The following MED24 variants were observed in gnomAD, a reference collection of about 807,000 sequenced individuals.
MED24 encodes the protein mediator complex subunit 24, also known as mediator of RNA polymerase II transcription subunit 24.
In MED24, 74 loss-of-function variants were observed where a neutral mutation model predicts 118.8. The observed-to-expected ratio is 0.62, with a 90% CI of 0.52 to 0.76. MED24 has a LOEUF of 0.76. MED24 is among the 30% of genes least tolerant of loss of function. The probability of loss-of-function intolerance (pLI) is 0.00; values close to 1 mark genes in which losing one functional copy is unlikely to be tolerated. For missense variants in MED24, 1,041 were observed against 1,278.9 expected (o/e 0.81, Z 2.84); for synonymous variants, 521 against 523.9 (o/e 0.99, Z 0.08).
intron 22 of MED24, 106 bp from the exon 23 acceptor site, chr17:40,022,160 A>T: frequency 1.0e-6 from 1 of 986,944 alleles, no homozygotes; most frequent in Non-Finnish European, 1.5e-6. Flanking sequence ...CATGGCTAGC[A>T]GGGCCTCAGC....
intron 16 of MED24, 110 bp downstream of exon 16, chr17:40,027,273 C>T: frequency 7.6e-7 from 1 of 1,318,084 alleles, no homozygotes; most frequent in South Asian, 1.4e-5. Flanking sequence ...TTTCTGAGGC[C>T]CACAGAACTA....
intron 14 of MED24, 173 bp from the exon 15 acceptor site, chr17:40,028,119 T>G (rs757308622): frequency 2.6e-4 from 166 of 646,792 alleles, no homozygotes; most frequent in Non-Finnish European, 3.9e-4. Flanking sequence ...TTTTTGTTTT[T>G]TTTTTGTTTT....
chr17:40,021,954 C>A lies in MED24; in HGVS notation c.2623+1G>T. 1.3e-6 allele frequency: 2 copies of A among 1,593,668 alleles called. No homozygotes were observed. Among genetic ancestry groups the A allele is most frequent in the Non-Finnish European group, 1.7e-6 (2 of 1,168,868 alleles). ...GGCGCGCGGCCAGCCCACACACTCA[C>A]TGGGGCTCGAAAGGATGTTGGCATC... On this transcript the variant is annotated splice_donor_variant, in intron 23 of 25. Coordinates refer to ENST00000394128, the MANE Select transcript of MED24 (RefSeq NM_014815.4). LOFTEE classifies it high-confidence loss of function.
chr17:40,043,469 C>T (rs924697021), intron 3 of MED24, among the ~76,000 whole-genome samples: 1 of 152,088 alleles, frequency 6.6e-6, no homozygotes, highest in African/African-American at 2.4e-5. Context: ...GGGTGGTGGG[C>T]TGGACAGGAG....
chr17:40,046,245 C>T (rs890658014), intron 3 of MED24, among the ~76,000 whole-genome samples: 1 of 147,918 alleles, frequency 6.8e-6, no homozygotes, highest in Non-Finnish European at 1.5e-5. Context: ...CCACCACGCC[C>T]GGCTAATTTT....
At chr17:40,020,209 C>T in intron 24 of MED24, 64 bp downstream of exon 24, 1 of 1,414,226 alleles carries the variant, frequency 7.1e-7, no homozygotes, top group Non-Finnish European at 9.5e-7. Context: ...GTCTCCCAGC[C>T]TCCATGAGAA....
rs200529218 is a variant in MED24, at chr17:40,023,104, G to A, written c.2250+27C>T. On this transcript the variant is annotated intron_variant, in intron 20 of 25. Coordinates refer to ENST00000394128, the MANE Select transcript of MED24 (RefSeq NM_014815.4). The stretch of plus-strand genomic sequence containing the variant: ...GGAGCCAGGGGACAGGACCCATGTC[G>A]GCCCACAGCCACTCCAGCCCAAGTA... The A allele has an allele frequency of 6.3e-5, 101 of 1,598,522 alleles. 1 individual carries two copies. The Middle Eastern group carries it at 8.3e-4, about 13-fold the overall frequency.
Position 40,033,291 on chromosome 17 carries a change from C to T in MED24, c.671+54G>A. 6.2e-7 allele frequency: 1 copy of T among 1,611,774 alleles called. No homozygotes were observed. The highest frequency in any genetic ancestry group is 1.6e-4 in the Middle Eastern group (1 of 6,062). On this transcript the variant is annotated intron_variant, in intron 7 of 25. Transcript: ENST00000394128. The surrounding 1 kb of genome is among the most constrained non-coding windows in gnomAD (Gnocchi z 5.2). ...ATGGCACGGGTGCCACATCTTCCTA[C>T]CCCAGGGCGTGTCCTCCCTCTCCCT...
At chr17:40,022,310 T>C in intron 22 of MED24, 84 bp downstream of exon 22, 1 of 1,407,150 alleles carries the variant, frequency 7.1e-7, no homozygotes, top group Non-Finnish European at 9.8e-7. Flanking sequence ...CCACAACTGC[T>C]TCCCTTTGCC....
rs79573177 is a variant in MED24 at position 40,027,219 on chromosome 17, G to T, written c.1530+164C>A. 1,185 of 1,076,858 alleles carry T rather than the reference G, an allele frequency of 1.1e-3. 12 individuals carry two copies. The African/African-American group carries it at 0.018, about 16-fold the overall frequency. 66.7% of individuals were successfully genotyped at this position (1,076,858 alleles called of 1,614,324 possible). On this transcript the variant is annotated intron_variant, in intron 16 of 25. Coordinates refer to ENST00000394128, the MANE Select transcript of MED24 (RefSeq NM_014815.4). ...CACCTAGTGGTCAATGTGAACATAG[G>T]GCTGAAGGTGCCTCTACGGACTCCA...
intron 3 of MED24, among the ~76,000 whole-genome samples, chr17:40,045,138 A>C (rs1411329279): frequency 2.6e-5 from 4 of 152,062 alleles, no homozygotes; most frequent in Non-Finnish European, 4.4e-5. Context: ...AAAATTACAA[A>C]CAACCTAAAT....
At chr17:40,028,698 A>C (rs1429176440) in intron 14 of MED24, 128 bp downstream of exon 14, 3 of 1,308,262 alleles carry the variant, frequency 2.3e-6, no homozygotes, top group Non-Finnish European at 3.2e-6. Flanking sequence ...TCCAGCCAGG[A>C]TGCTCTGCCT....
At chr17:40,027,699 G>C (rs776187517) in intron 15 of MED24, 24 of 675,896 alleles carry the variant, frequency 3.6e-5, no homozygotes, top group African/African-American at 1.1e-4. Flanking sequence ...AAGGGATGAG[G>C]GGGGGAAGGA....
rs111644119 is a variant in MED24 at position 40,022,821 on chromosome 17, C to T, written c.2256G>A (p.Leu752=). The T allele has an allele frequency of 5.2e-4, 832 of 1,613,150 alleles. 3 individuals are homozygous for T. In the African/African-American group the frequency reaches 9.9e-3, roughly 19 times the overall value. ...YWFCNNLIKE[L]LKETRKEHTL... is the part of the protein sequence containing the mutation. ...TGTGCTCCTTCCGCGTCTCCTTCAG[C>T]AGCTCCTAGTGCGCAGGAAAGGGGG... The change falls in exon 21 of 26, where the codon CTG becomes CTA. Residue 752 remains leucine (L), a synonymous_variant. Coordinates refer to ENST00000394128, the MANE Select transcript of MED24 (RefSeq NM_014815.4).
chr17:40,044,834 G>A (rs1598366476), intron 3 of MED24, among the ~76,000 whole-genome samples: 1 of 141,462 alleles, frequency 7.1e-6, no homozygotes, highest in South Asian at 2.3e-4. Context: ...AGCCAAGATT[G>A]CACCACTGCA....
chr17:40,041,000 G>A (rs1984506017), intron 3 of MED24, among the ~76,000 whole-genome samples: 2 of 151,786 alleles, frequency 1.3e-5, no homozygotes, highest in South Asian at 2.1e-4. Context: ...CTCCTACCTC[G>A]GCCTCAAAAA....
chr17:40,027,167 A>G (rs950812171), intron 16 of MED24, 133 bp from the exon 17 acceptor site: 1 of 1,243,142 alleles, frequency 8.0e-7, no homozygotes, highest in African/African-American at 1.5e-5. Context: ...GAACTGGTCT[A>G]AGGGAGCCAG....
At chr17:40,047,345 C>T (rs1985338842) in intron 3 of MED24, among the ~76,000 whole-genome samples, 3 of 152,028 alleles carry the variant, frequency 2.0e-5, no homozygotes, top group East Asian at 1.9e-4. Flanking sequence ...ATGCTGGTGA[C>T]ATGGGTACAT....
chr17:40,048,367 G>T (rs1183712354), intron 3 of MED24, among the ~76,000 whole-genome samples: 1 of 151,998 alleles, frequency 6.6e-6, no homozygotes, highest in East Asian at 1.9e-4. Context: ...TCTCACAATT[G>T]TACAGTGGAT....
Sources: allele counts gnomAD v4.1 joint callset (sites outside exome capture counted in the v4.1 genomes callset), GRCh38; gene constraint gnomAD v4.1.1; non-coding constraint Gnocchi (gnomAD v3.1); transcripts MANE v1.5; gene names NCBI Gene and HGNC (gene_info 2026-07-23, HGNC 2026-07-21).